DLGAP2: variants seen among roughly 807,000 people sequenced by gnomAD.
DLGAP2 encodes the protein disks large-associated protein 2.
Under a neutral mutation model 100.3 loss-of-function variants are expected in DLGAP2, and 26 were observed. The ratio of observed to expected loss-of-function variants is 0.26; its 90% confidence interval spans 0.19 to 0.36. The LOEUF is 0.36. Ranked by LOEUF, DLGAP2 falls within the 10% of genes least tolerant of loss-of-function variation. DLGAP2 has a pLI of 1.00. For missense variants in DLGAP2, 1,858 were observed against 1,453.2 expected, an observed-to-expected ratio of 1.28 and a Z score of -4.53; for synonymous variants, 886 against 630.1, an observed-to-expected ratio of 1.41 and a Z score of -6.08.
At chr8:1,170,183 A>T (rs2116674540) in intron 2 of DLGAP2, among the ~76,000 whole-genome samples, 1 of 152,318 alleles carries the variant, frequency 6.6e-6, no homozygotes, top group African/African-American at 2.4e-5. Flanking sequence ...GCTGGATTAC[A>T]TTTATTGATT....
intron 12 of DLGAP2, among the ~76,000 whole-genome samples, chr8:1,679,979 CAA>C (rs760100523): frequency 6.3e-5 from 4 of 63,528 alleles, no homozygotes; most frequent in South Asian, 8.1e-4. Flanking sequence ...GACTCTGTCT[CAA>C]AAAAAAAAAA....
intron 3 of DLGAP2, among the ~76,000 whole-genome samples, chr8:1,389,907 G>A (rs767621911): frequency 1.3e-4 from 20 of 152,060 alleles, no homozygotes; most frequent in Non-Finnish European, 2.4e-4. Context: ...GCTAGCAGGC[G>A]TCCCACAGAG....
chr8:1,526,889 C>G (rs184874229), intron 4 of DLGAP2, among the ~76,000 whole-genome samples: 1 of 152,188 alleles, frequency 6.6e-6, no homozygotes, highest in Non-Finnish European at 1.5e-5. Flanking sequence ...GGAAAGGGGG[C>G]GGTGGCTTTG....
intron 3 of DLGAP2, among the ~76,000 whole-genome samples, chr8:1,407,406 T>G (rs1399237544): frequency 3.3e-5 from 4 of 122,250 alleles, no homozygotes; most frequent in Middle Eastern, 5.0e-3. Context: ...GAGTGCTTAC[T>G]GAGCGCCACC....
chr8:920,785 A>C (rs1798697485), intron 2 of DLGAP2, among the ~76,000 whole-genome samples: 2 of 152,302 alleles, frequency 1.3e-5, no homozygotes, highest in Non-Finnish European at 2.9e-5. Context: ...ACCCTGTCTC[A>C]AAAGATATAA....
intron 2 of DLGAP2, among the ~76,000 whole-genome samples, chr8:1,033,703 ACGCTCATCCCGACCCCGCG>A: frequency 1.3e-5 from 2 of 151,578 alleles, no homozygotes; most frequent in African/African-American, 4.8e-5. Flanking sequence ...GTGGATTCAC[ACGCTCATCCCGACCCCGCG>A]TGTCACCGCG....
In DLGAP2 at chr8:1,593,535, T is replaced by C. The variant is rs372382369; in HGVS notation, c.1442+27641T>C. Among the ~76,000 whole-genome samples the C allele has an allele frequency of 1.6e-4, 25 of 151,968 alleles. No homozygotes were observed. In the South Asian group the frequency reaches 2.5e-3, roughly 15 times the overall value. Reference sequence around the variant, plus strand: ...GAAAATCTCCTGCACCTTGGGAAAATACAAAACCAGACTTACCAAAGATGC... The same window carrying C: ...GAAAATCTCCTGCACCTTGGGAAAACACAAAACCAGACTTACCAAAGATGC... On this transcript the variant is annotated intron_variant, in intron 6 of 14. Coordinates refer to ENST00000637795, the MANE Select transcript of DLGAP2 (RefSeq NM_001346810.2).
At chr8:1,675,063 G>C (rs568273813) in intron 10 of DLGAP2, among the ~76,000 whole-genome samples, 1 of 152,158 alleles carries the variant, frequency 6.6e-6, no homozygotes, top group Admixed American at 6.6e-5. Context: ...CCTGTAGCCC[G>C]TCTCACCCAG....
At chr8:1,423,303 G>A (rs1021400094) in intron 3 of DLGAP2, among the ~76,000 whole-genome samples, 4 of 151,960 alleles carry the variant, frequency 2.6e-5, no homozygotes, top group African/African-American at 2.4e-5. Flanking sequence ...CAGTCCATGG[G>A]ACAGACAGGT....
At chr8:1,586,166 T>A (rs1018321727) in intron 6 of DLGAP2, among the ~76,000 whole-genome samples, 3 of 152,244 alleles carry the variant, frequency 2.0e-5, no homozygotes, top group African/African-American at 7.2e-5. Context: ...GTCGGCAGCC[T>A]GCCCTCCTTC....
intron 13 of DLGAP2, among the ~76,000 whole-genome samples, chr8:1,694,478 G>C (rs1338129512): frequency 6.6e-6 from 1 of 152,218 alleles, no homozygotes; most frequent in Non-Finnish European, 1.5e-5. Context: ...GAGCCTCTCA[G>C]GGTCGGGATG....
chr8:1,196,093 C>T (rs1195308178), intron 2 of DLGAP2, among the ~76,000 whole-genome samples: 1 of 152,226 alleles, frequency 6.6e-6, no homozygotes, highest in South Asian at 2.1e-4. Context: ...ATAACTTAGG[C>T]ATCACCGATA....
intron 1 of DLGAP2, among the ~76,000 whole-genome samples, chr8:844,648 A>C (rs1417739187): frequency 6.6e-6 from 1 of 152,202 alleles, no homozygotes; most frequent in Non-Finnish European, 1.5e-5. Flanking sequence ...TCCAAACCAC[A>C]TGGATTAGTT....
At chr8:913,643 G>C (rs1798534007) in intron 2 of DLGAP2, among the ~76,000 whole-genome samples, 1 of 152,212 alleles carries the variant, frequency 6.6e-6, no homozygotes, top group Non-Finnish European at 1.5e-5. Flanking sequence ...ATCTTGACTA[G>C]TCCTGTAACT....
chr8:997,477 C>T (rs906265218), intron 2 of DLGAP2, among the ~76,000 whole-genome samples: 2 of 152,152 alleles, frequency 1.3e-5, no homozygotes, highest in Admixed American at 6.5e-5. Flanking sequence ...AAGCCTTCTA[C>T]TCCTCAGGAG....
At chr8:926,809 C>T (rs1055636808) in intron 2 of DLGAP2, among the ~76,000 whole-genome samples, 1 of 152,248 alleles carries the variant, frequency 6.6e-6, no homozygotes, top group Non-Finnish European at 1.5e-5. Flanking sequence ...CGTCACACAG[C>T]GGAGCTGCCC....
At chr8:1,120,537 C>G (rs979861814) in intron 2 of DLGAP2, among the ~76,000 whole-genome samples, 3 of 151,992 alleles carry the variant, frequency 2.0e-5, no homozygotes, top group African/African-American at 7.3e-5. Flanking sequence ...AGCTGCCCAT[C>G]TTCATCCCCT....
chr8:1,435,347 C>T (rs1036168061), intron 3 of DLGAP2, among the ~76,000 whole-genome samples: 5 of 152,154 alleles, frequency 3.3e-5, no homozygotes, highest in Admixed American at 1.3e-4. Context: ...GACTACATCA[C>T]GCACCGCACA....
chr8:1,155,111 C>T lies in DLGAP2; in HGVS notation c.74-103740C>T, dbSNP rs191901512. 7.9e-5 allele frequency among the ~76,000 whole-genome samples: 12 copies of T among 152,314 alleles called. No individual in the cohort carries two copies. The East Asian group carries it at 2.3e-3, about 29-fold the overall frequency. On this transcript the variant is annotated intron_variant, in intron 2 of 14. Coordinates refer to ENST00000637795, the MANE Select transcript of DLGAP2 (RefSeq NM_001346810.2). ...TCGGAGGGGCCGTCTTAAACCCTGCCTGGGTCCCGTCCCCTGGGTATCCCT... is the reference window on the plus strand; with the variant it reads ...TCGGAGGGGCCGTCTTAAACCCTGCTTGGGTCCCGTCCCCTGGGTATCCCT...
Sources: allele counts gnomAD v4.1 joint callset (sites outside exome capture counted in the v4.1 genomes callset), GRCh38; gene constraint gnomAD v4.1.1; transcripts MANE v1.5; gene names NCBI Gene and HGNC (gene_info 2026-07-23, HGNC 2026-07-21).